The following ZNF430 variants were observed in gnomAD, a reference collection of about 807,000 sequenced individuals.
The protein encoded by ZNF430 is zinc finger protein 430.
A neutral mutation model predicts 56.7 loss-of-function variants in ZNF430; 35 were observed. The ratio of observed to expected loss-of-function variants is 0.62; its 90% CI spans 0.47 to 0.82. The LOEUF is 0.82. Ranked by LOEUF, ZNF430 falls within the 40% of genes least tolerant of loss-of-function variation. ZNF430 has a pLI of 0.00. For missense variants in ZNF430, 574 were observed against 661.0 expected (o/e 0.87, Z 1.44); for synonymous variants, 212 against 224.3 (o/e 0.94, Z 0.49).
At chr19:21,031,478 G>A (rs1277554079) in intron 2 of ZNF430, among the ~76,000 whole-genome samples, 2 of 152,026 alleles carry the variant, frequency 1.3e-5, no homozygotes, top group African/African-American at 4.8e-5. Context: ...TGGTGTCTGT[G>A]GCAGAGGAGG....
chr19:21,034,229 A>C, intron 4 of ZNF430, 45 bp downstream of exon 4: 2 of 1,292,042 alleles, frequency 1.5e-6, no homozygotes, highest in Non-Finnish European at 2.1e-6. Context: ...GAGAGGTCCA[A>C]AAAAGAAGAA....
At chr19:21,028,485 TC>T (rs1967843982) in intron 2 of ZNF430, among the ~76,000 whole-genome samples, 1 of 152,156 alleles carries the variant, frequency 6.6e-6, no homozygotes, top group African/African-American at 2.4e-5. Flanking sequence ...CTATTTAGAA[TC>T]AGCCTGAATC....
chr19:21,049,173 CAAAAAAAAAAAAA>C (rs746043747), intron 4 of ZNF430, among the ~76,000 whole-genome samples: 1 of 65,256 alleles, frequency 1.5e-5, no homozygotes, highest in Non-Finnish European at 2.5e-5. Flanking sequence ...GACTCCATCT[CAAAAAAAAAAAAA>C]AAAAAAAAAA....
At chr19:21,048,164 C>CTTTTTTT (rs536496163) in intron 4 of ZNF430, among the ~76,000 whole-genome samples, 19 of 59,814 alleles carry the variant, frequency 3.2e-4, no homozygotes, top group East Asian at 6.7e-4. Context: ...CATAAAACAT[C>CTTTTTTT]TTTTTTTTTT....
intron 4 of ZNF430, among the ~76,000 whole-genome samples, chr19:21,052,635 A>T (rs772797616): frequency 1.4e-4 from 22 of 152,144 alleles, no homozygotes; most frequent in Non-Finnish European, 2.4e-4. Flanking sequence ...TTGACTTAAG[A>T]TGTAGCTTGT....
In ZNF430 at chr19:21,058,184, C is replaced by A; in HGVS notation, c.*163C>A. ...TTCTGGCTGGGTGCGGTGGCTCACA[C>A]CTGTAATCCCAGCACTTTGGGAGGC... is the stretch of plus-strand genomic sequence containing the variant. On this transcript the variant is annotated 3_prime_UTR_variant, in exon 5 of 5. Transcript: ENST00000261560. 1.5e-6 allele frequency: 1 copy of A among 676,790 alleles called. No homozygotes were observed. Among genetic ancestry groups the A allele is most frequent in the Non-Finnish European group, 2.4e-6 (1 of 411,950 alleles). The allele number at this position is 676,790 out of a possible 1,614,324, so 41.9% of individuals were successfully genotyped here.
At chr19:21,041,859 A>G (rs1968108661) in intron 4 of ZNF430, among the ~76,000 whole-genome samples, 1 of 152,158 alleles carries the variant, frequency 6.6e-6, no homozygotes, top group African/African-American at 2.4e-5. Flanking sequence ...GATTACAGGC[A>G]TGCACCACCA....
chr19:21,023,271 T>C (rs1967730678), intron 2 of ZNF430, among the ~76,000 whole-genome samples: 1 of 152,166 alleles, frequency 6.6e-6, no homozygotes, highest in African/African-American at 2.4e-5. Context: ...AGTGATTGAA[T>C]GGCCTGACTT....
At chr19:21,034,282 CA>C in intron 4 of ZNF430, 98 bp downstream of exon 4, 2 of 948,644 alleles carry the variant, frequency 2.1e-6, no homozygotes, top group South Asian at 4.4e-5. Flanking sequence ...TGTTCCAAAG[CA>C]AATATTTTCT....
At chr19:21,056,479 ACT>A in intron 4 of ZNF430, 150 bp from the exon 5 acceptor site, 1 of 516,924 alleles carries the variant, frequency 1.9e-6, no homozygotes, top group Non-Finnish European at 3.2e-6. Flanking sequence ...ACAGAATGAG[ACT>A]CTGTCTAAAA....
At chr19:21,030,779 C>T (rs1215210347) in intron 2 of ZNF430, among the ~76,000 whole-genome samples, 2 of 152,058 alleles carry the variant, frequency 1.3e-5, no homozygotes, top group African/African-American at 4.8e-5. Context: ...ATCCACATTA[C>T]GTAGAGTGGG....
At chr19:21,054,386 T>TA (rs1188080745) in intron 4 of ZNF430, among the ~76,000 whole-genome samples, 45 of 150,936 alleles carry the variant, frequency 3.0e-4, no homozygotes, top group East Asian at 5.8e-4. Flanking sequence ...TTTTTTTTTT[T>TA]ATTTAGCAGG....
rs146405106 is a variant in ZNF430, at chr19:21,057,389, A to G, written c.1081A>G (p.Thr361Ala). ...GKAFNQSSTL[T>A]THKIIHAGEK... The stretch of plus-strand genomic sequence containing the variant: ...AGCTTTTAACCAATCCTCAACCCTT[A>G]CTACACATAAGATAATTCATGCTGG... The change falls in exon 5 of 5, where the codon ACT becomes GCT. Residue 361 changes from threonine (T) to alanine (A), a missense_variant. This residue lies in a region of ZNF430 where 15 missense variants were observed against 40.9 expected (regional missense o/e 0.37). Coordinates refer to ENST00000261560, the MANE Select transcript of ZNF430 (RefSeq NM_025189.4). 533 of 1,613,576 alleles carry G rather than the reference A, an allele frequency of 3.3e-4. No individual in the cohort carries two copies. The African/African-American group carries it at 6.2e-3, about 19-fold the overall frequency.
chr19:21,047,828 TGG>T (rs1271153235), intron 4 of ZNF430, among the ~76,000 whole-genome samples: 1 of 152,198 alleles, frequency 6.6e-6, no homozygotes, highest in East Asian at 1.9e-4. Flanking sequence ...GCATGAGATC[TGG>T]GAACCACTTA....
At position 21,059,281 on chromosome 19, in the gene ZNF430, A is replaced by G. The variant is rs1164521819; in HGVS notation, c.*1260A>G. 2 of 152,224 alleles carry G rather than the reference A, an allele frequency of 1.3e-5. No homozygotes were observed. Among genetic ancestry groups the G allele is most frequent in the African/African-American group, 4.8e-5 (2 of 41,456 alleles). The allele number at this position is 152,224 out of a possible 1,614,324, so 9.4% of individuals were successfully genotyped here. ...AAGTTGGGGCCAGGTGCAGTGGCTC[A>G]CACCTGTAATCCAGCACTTTGGGAG... On this transcript the variant is annotated 3_prime_UTR_variant, in exon 5 of 5. Coordinates refer to ENST00000261560, the MANE Select transcript of ZNF430 (RefSeq NM_025189.4).
Position 21,056,304 on chromosome 19 carries a change from C to T in ZNF430, c.323-327C>T, listed in dbSNP as rs373210929. Among the ~76,000 whole-genome samples the T allele has an allele frequency of 1.8e-4, 28 of 152,212 alleles. 1 individual carries two copies. Among genetic ancestry groups the T allele is most frequent in the African/African-American group, 6.5e-4 (27 of 41,536 alleles). Reference sequence around the variant, plus strand: ...AGGAGTTCGAGACCAGACTGGCCAACATGGCGAAACCCCATCTCTACTAAA... The same window carrying T: ...AGGAGTTCGAGACCAGACTGGCCAATATGGCGAAACCCCATCTCTACTAAA... On this transcript the variant is annotated intron_variant, in intron 4 of 4. Transcript: ENST00000261560.
At chr19:21,034,244 A>G (rs1240276879) in intron 4 of ZNF430, 60 bp downstream of exon 4, 7 of 1,148,700 alleles carry the variant, frequency 6.1e-6, no homozygotes, top group Non-Finnish European at 8.6e-6. Context: ...GAAGAAAGCC[A>G]ATGCTTAAAA....
intron 4 of ZNF430, among the ~76,000 whole-genome samples, chr19:21,043,049 G>A: frequency 4.5e-5 from 1 of 22,104 alleles, no homozygotes; most frequent in East Asian, 7.4e-4. Context: ...TTGCAAAAAT[G>A]TTCTCCGATT....
chr19:21,034,436 A>G (rs2144762647), intron 4 of ZNF430: 1 of 340,592 alleles, frequency 2.9e-6, no homozygotes, highest in Non-Finnish European at 5.3e-6. Flanking sequence ...ATGGCATGCG[A>G]GACTCACAAT....
Sources: allele counts gnomAD v4.1 joint callset (sites outside exome capture counted in the v4.1 genomes callset), GRCh38; gene constraint gnomAD v4.1.1; regional missense constraint gnomAD v4.1.1; transcripts MANE v1.5; gene names NCBI Gene and HGNC (gene_info 2026-07-23, HGNC 2026-07-21).